F10: variants seen among roughly 807,000 people sequenced by gnomAD.
F10 encodes the protein coagulation factor X.
In F10, 29 loss-of-function variants were observed where a neutral mutation model predicts 37.1. The observed-to-expected ratio is 0.78, with a 90% CI of 0.58 to 1.07. The LOEUF (loss-of-function observed/expected upper bound fraction) is 1.07, where lower values mean the gene tolerates loss of function less well. F10 is among the 50% of genes least tolerant of loss of function. The probability of loss-of-function intolerance (pLI) is 0.00; values close to 1 mark genes in which losing one functional copy is unlikely to be tolerated. For missense variants in F10, 539 were observed against 667.9 expected (o/e 0.81, Z 2.13); for synonymous variants, 262 against 268.6 (o/e 0.98, Z 0.24).
chr13:113,140,591 T>C (rs1464417071), intron 4 of F10: 1 of 550,364 alleles, frequency 1.8e-6, no homozygotes, highest in African/African-American at 1.9e-5. Context: ...GCACTGTGAT[T>C]ACTTTTTCAT....
In F10 at chr13:113,146,067, C is replaced by G. The variant is rs925129925; in HGVS notation, c.748-1312C>G. On this transcript the variant is annotated intron_variant, in intron 6 of 7. Coordinates refer to ENST00000375559, the MANE Select transcript of F10 (RefSeq NM_000504.4). The surrounding 1 kb of genome is among the most constrained non-coding windows in gnomAD (Gnocchi z 4.5). ...CCATGAATTCCCCCAGGTCTTCCCCCACCCCAGACCGTGTGGCGGGTGAGC... is the reference window on the plus strand; with the variant it reads ...CCATGAATTCCCCCAGGTCTTCCCCGACCCCAGACCGTGTGGCGGGTGAGC... 1.3e-5 allele frequency among the ~76,000 whole-genome samples: 2 copies of G among 152,186 alleles called. No individual in the cohort carries two copies. The highest frequency in any genetic ancestry group is 6.5e-5 in the Admixed American group (1 of 15,274).
At chr13:113,126,357 G>A (rs750518035) in intron 1 of F10, among the ~76,000 whole-genome samples, 5 of 152,198 alleles carry the variant, frequency 3.3e-5, no homozygotes, top group Admixed American at 1.3e-4. Flanking sequence ...GGGAAAAGGC[G>A]GGAACTGGAC....
intron 5 of F10, among the ~76,000 whole-genome samples, chr13:113,142,411 A>G (rs12872564): frequency 0.056 from 7,559 of 134,140 alleles, 513 homozygotes; most frequent in Non-Finnish European, 0.089. Context: ...TTAGCTGGGC[A>G]TGGTGGTGCA....
At position 113,143,740 on chromosome 13, in the gene F10, C is replaced by A. The variant is rs952894507; in HGVS notation, c.503-111C>A. ...TGCAAGCCCGCTGCCCCTCCGGGTG[C>A]CCCTGCGCTCTGCCTCCCGGCTCTC... On this transcript the variant is annotated intron_variant, in intron 5 of 7. Coordinates refer to ENST00000375559, the MANE Select transcript of F10 (RefSeq NM_000504.4). The surrounding 1 kb of genome is among the most constrained non-coding windows in gnomAD (Gnocchi z 6.8). 2.1e-5 allele frequency: 32 copies of A among 1,511,134 alleles called. No individual in the cohort carries two copies. Among genetic ancestry groups the A allele is most frequent in the Non-Finnish European group, 2.7e-5 (30 of 1,118,900 alleles). 93.6% of individuals were successfully genotyped at this position (1,511,134 alleles called of 1,614,324 possible). A position where few individuals can be genotyped will look rare whatever the true frequency, so the allele number is the denominator to read the frequency against.
chr13:113,126,658 A>T (rs1347656707), intron 1 of F10, among the ~76,000 whole-genome samples: 1 of 152,170 alleles, frequency 6.6e-6, no homozygotes, highest in Non-Finnish European at 1.5e-5. Context: ...AGGGGAAGAG[A>T]GAAGGTACCA....
Position 113,122,836 on chromosome 13 carries a change from A to G in F10, c.-20A>G. 2 of 1,608,784 alleles carry G rather than the reference A, an allele frequency of 1.2e-6. No homozygotes were observed. Among genetic ancestry groups the G allele is most frequent in the Non-Finnish European group, 1.7e-6 (2 of 1,179,980 alleles). ...GCAGCCTGTCCCAGTGAGGACAGGG[A>G]CACAGTACTCGGCCACACCATGGGG... On this transcript the variant is annotated 5_prime_UTR_variant, in exon 1 of 8. Coordinates refer to ENST00000375559, the MANE Select transcript of F10 (RefSeq NM_000504.4).
Position 113,139,314 on chromosome 13 carries a change from G to A in F10, c.257-43G>A, listed in dbSNP as rs1358965761. The A allele has an allele frequency of 6.5e-7, 1 of 1,541,330 alleles. No homozygotes were observed. The highest frequency in any genetic ancestry group is 9.0e-7 in the Non-Finnish European group (1 of 1,115,106). ...CAGCAAAACTGTTTCCATGATGCCG[G>A]AAACAGCTTGCAGACTCCAGTTTCG... On this transcript the variant is annotated intron_variant, in intron 3 of 7. Coordinates refer to ENST00000375559, the MANE Select transcript of F10 (RefSeq NM_000504.4). The surrounding 1 kb of genome is among the most constrained non-coding windows in gnomAD (Gnocchi z 5.2).
Position 113,139,225 on chromosome 13 carries a change from G to C in F10, c.257-132G>C. ...GGATCAAATAAAGTCCAAAGAGGGG[G>C]AGTTGTTTACAGAGAAACCGGAAGA... On this transcript the variant is annotated intron_variant, in intron 3 of 7. Transcript: ENST00000375559. The surrounding 1 kb of genome is among the most constrained non-coding windows in gnomAD (Gnocchi z 5.2). 1.4e-6 allele frequency: 1 copy of C among 703,640 alleles called. No homozygotes were observed. The allele number at this position is 703,640 out of a possible 1,614,324, so 43.6% of individuals were successfully genotyped here.
chr13:113,129,411 G>GAGGAGCCTGGGTGAT (rs777896893), intron 1 of F10, 41 bp from the exon 2 acceptor site: 117 of 1,416,180 alleles, frequency 8.3e-5, no homozygotes, highest in Non-Finnish European at 1.1e-4. Context: ...GCCTGGGTGA[G>GAGGAGCCTGGGTGAT]GGTGACCAGA....
chr13:113,125,574 C>T (rs2036362667), intron 1 of F10, among the ~76,000 whole-genome samples: 1 of 152,234 alleles, frequency 6.6e-6, no homozygotes, highest in Non-Finnish European at 1.5e-5. Context: ...TGCCTAAAAA[C>T]CTTGTTTTAA....
intron 2 of F10, among the ~76,000 whole-genome samples, chr13:113,137,073 C>T (rs1407713502): frequency 2.6e-5 from 4 of 152,224 alleles, no homozygotes; most frequent in African/African-American, 9.6e-5. Context: ...GCGTGAGGCA[C>T]CACGCCTGGC....
chr13:113,143,720 GCCC>G lies in F10; in HGVS notation c.503-130_503-128del. On this transcript the variant is annotated intron_variant, in intron 5 of 7. Transcript: ENST00000375559. The surrounding 1 kb of genome is among the most constrained non-coding windows in gnomAD (Gnocchi z 6.8). ...GACGACGTGGGGCCTCGCCCTGCAA[GCCC>G]GCTGCCCCTCCGGGTGCCCCTGCGC... 1 of 1,419,338 alleles carries G rather than the reference GCCC, an allele frequency of 7.0e-7. No individual in the cohort carries two copies. The highest frequency in any genetic ancestry group is 2.0e-5 in the Admixed American group (1 of 50,812). 87.9% of individuals were successfully genotyped at this position (1,419,338 alleles called of 1,614,324 possible).
chr13:113,146,037 C>G lies in F10; in HGVS notation c.748-1342C>G, dbSNP rs940542204. Among the ~76,000 whole-genome samples, 1 of 152,158 alleles carries G rather than the reference C, an allele frequency of 6.6e-6. No individual in the cohort carries two copies. The highest frequency in any genetic ancestry group is 2.4e-5 in the African/African-American group (1 of 41,428). ...CAAGCAAGAATCTCAGAGCTGCCAG[C>G]GCCCCCATGAATTCCCCCAGGTCTT... On this transcript the variant is annotated intron_variant, in intron 6 of 7. Coordinates refer to ENST00000375559, the MANE Select transcript of F10 (RefSeq NM_000504.4). This position sits in a 1 kb window ranked among gnomAD's most constrained non-coding sequence, Gnocchi z 4.5.
intron 5 of F10, among the ~76,000 whole-genome samples, chr13:113,142,857 A>G (rs994600416): frequency 6.6e-5 from 10 of 152,116 alleles, no homozygotes; most frequent in African/African-American, 2.4e-4. Flanking sequence ...GCCTGAACCC[A>G]GGAGGTGGAG....
chr13:113,137,732 G>A lies in F10; in HGVS notation c.232-725G>A, dbSNP rs80302641. 3.5e-3 allele frequency among the ~76,000 whole-genome samples: 539 copies of A among 152,224 alleles called. 6 individuals carry two copies. The highest frequency in any genetic ancestry group is 0.012 in the African/African-American group (505 of 41,532). The stretch of plus-strand genomic sequence containing the variant: ...ATGGGCATCCTTGGGCTGCGGACGC[G>A]TCGCTCCTGTCTCTGCTTTCATCTT... On this transcript the variant is annotated intron_variant, in intron 2 of 7. Coordinates refer to ENST00000375559, the MANE Select transcript of F10 (RefSeq NM_000504.4).
In F10 at chr13:113,129,473, CCAA is replaced by C. The variant is rs2036405601; in HGVS notation, c.98_100del (p.Asn33del). The C allele has an allele frequency of 6.2e-7, 1 of 1,613,910 alleles. No homozygotes were observed. ...CCAGTGTTCATCCGCAGGGAGCAGGCCAACAACATCCTGGCGAGGGTCACGAGG... is the reference window on the plus strand; with the variant it reads ...CCAGTGTTCATCCGCAGGGAGCAGGCCAACATCCTGGCGAGGGTCACGAGG... On this transcript the variant is annotated inframe_deletion, in exon 2 of 8. Transcript: ENST00000375559.
At chr13:113,130,042 G>T in intron 2 of F10, 1 of 318,728 alleles carries the variant, frequency 3.1e-6, no homozygotes, top group South Asian at 2.7e-5. Flanking sequence ...ACAGCCTAGA[G>T]CGCCAGCGCG....
chr13:113,133,303 G>T (rs2036450326), intron 2 of F10, among the ~76,000 whole-genome samples: 1 of 151,898 alleles, frequency 6.6e-6, no homozygotes. Flanking sequence ...AGACTGACAG[G>T]AATAAAAACA....
At chr13:113,124,968 T>C (rs902502790) in intron 1 of F10, among the ~76,000 whole-genome samples, 2 of 152,184 alleles carry the variant, frequency 1.3e-5, no homozygotes, top group African/African-American at 4.8e-5. Context: ...CATCATCGCA[T>C]GGGGTTCTCA....
Sources: gnomAD v4.1 joint callset for allele counts (sites outside exome capture counted in the v4.1 genomes callset) on GRCh38, gnomAD v4.1.1 for gene constraint, Gnocchi (gnomAD v3.1) non-coding constraint, MANE v1.5 for transcripts, NCBI Gene and HGNC (gene_info 2026-07-23, HGNC 2026-07-21) for gene names.